The following CDC42SE2 variants were observed in gnomAD, a reference collection of about 807,000 sequenced individuals.
CDC42SE2 encodes the protein CDC42 small effector protein 2.
Under a neutral mutation model 11.5 loss-of-function variants are expected in CDC42SE2, and 3 were observed. The ratio of observed to expected loss-of-function variants is 0.26; its 90% CI spans 0.12 to 0.67. The LOEUF is 0.67. CDC42SE2 is among the 30% of genes least tolerant of loss of function. The pLI, the probability that CDC42SE2 is intolerant of heterozygous loss-of-function variation, is 0.80. For missense variants in CDC42SE2, 82 were observed against 106.8 expected (o/e 0.77, Z 1.02); for synonymous variants, 33 against 34.8 (o/e 0.95, Z 0.18).
the CDC42SE2 span, among the ~76,000 whole-genome samples, chr5:131,235,204 T>C: frequency 6.6e-6 from 1 of 151,892 alleles, no homozygotes; most frequent in African/African-American, 2.4e-5. Flanking sequence ...GGGCAAATAG[T>C]CTTCACTCAG....
intron 3 of CDC42SE2, among the ~76,000 whole-genome samples, chr5:131,376,063 A>AC (rs1392567721): frequency 6.6e-6 from 1 of 151,814 alleles, no homozygotes; most frequent in African/African-American, 2.4e-5. Flanking sequence ...ACATGGTGAA[A>AC]CCCATCTTTA....
chr5:131,359,921 CCATCT>C (rs1271156420), intron 3 of CDC42SE2, among the ~76,000 whole-genome samples: 1 of 152,092 alleles, frequency 6.6e-6, no homozygotes, highest in Non-Finnish European at 1.5e-5. Context: ...TCTCAGCTTA[CCATCT>C]CATTTTCCTC....
intron 1 of CDC42SE2, among the ~76,000 whole-genome samples, chr5:131,312,625 C>T (rs111759131): frequency 0.012 from 1,817 of 152,314 alleles, 14 homozygotes; most frequent in Non-Finnish European, 0.018. Context: ...GAGCCAGGCG[C>T]GGGATATAAT....
chr5:131,331,679 C>T (rs888339959), intron 2 of CDC42SE2, among the ~76,000 whole-genome samples: 1 of 151,950 alleles, frequency 6.6e-6, no homozygotes, highest in Non-Finnish European at 1.5e-5. Context: ...ACAAAAAGAA[C>T]AGAGAATCCA....
intron 2 of CDC42SE2, among the ~76,000 whole-genome samples, chr5:131,349,522 T>C (rs1758947894): frequency 6.6e-6 from 1 of 152,182 alleles, no homozygotes; most frequent in Admixed American, 6.5e-5. Context: ...CAGCATGCTG[T>C]TAGTACTTAA....
intron 2 of CDC42SE2, among the ~76,000 whole-genome samples, chr5:131,335,973 A>C (rs973988999): frequency 2.0e-5 from 3 of 152,102 alleles, no homozygotes; most frequent in African/African-American, 7.2e-5. Flanking sequence ...TTTACATTTA[A>C]GGTTAGTATT....
At chr5:131,250,645 C>A (rs1399263543) in intron 1 of CDC42SE2, among the ~76,000 whole-genome samples, 1 of 152,038 alleles carries the variant, frequency 6.6e-6, no homozygotes, top group East Asian at 1.9e-4. Context: ...GCTGTGAAAC[C>A]ATTCTGGATG....
At chr5:131,211,097 A>T in the CDC42SE2 span, among the ~76,000 whole-genome samples, 1 of 152,216 alleles carries the variant, frequency 6.6e-6, no homozygotes, top group African/African-American at 2.4e-5. Context: ...TCGGCCTCCC[A>T]AAGTGCTGGG....
intron 2 of CDC42SE2, among the ~76,000 whole-genome samples, chr5:131,348,013 C>A (rs1218731511): frequency 6.6e-6 from 1 of 152,138 alleles, no homozygotes; most frequent in East Asian, 1.9e-4. Context: ...TAAGAGTTAT[C>A]TATGACACAC....
At chr5:131,308,122 T>C (rs1464669059) in intron 1 of CDC42SE2, among the ~76,000 whole-genome samples, 1 of 152,168 alleles carries the variant, frequency 6.6e-6, no homozygotes, top group African/African-American at 2.4e-5. Context: ...GATTTTTGTA[T>C]AAGGTGTAAG....
chr5:131,329,228 C>A (rs1003971996), intron 2 of CDC42SE2, among the ~76,000 whole-genome samples: 3 of 152,200 alleles, frequency 2.0e-5, no homozygotes, highest in Non-Finnish European at 2.9e-5. Flanking sequence ...TTTAGCATAT[C>A]TCTCTTTTAA....
intron 3 of CDC42SE2, among the ~76,000 whole-genome samples, chr5:131,363,870 A>G (rs893163311): frequency 4.0e-5 from 6 of 150,134 alleles, no homozygotes; most frequent in Admixed American, 3.3e-4. Flanking sequence ...TAATTTTTAT[A>G]TTTTAGTAGA....
intron 4 of CDC42SE2, among the ~76,000 whole-genome samples, chr5:131,386,404 T>C (rs1750487927): frequency 6.6e-6 from 1 of 152,248 alleles, no homozygotes; most frequent in Non-Finnish European, 1.5e-5. Flanking sequence ...CCTGGTAATA[T>C]TAGAATGTTG....
chr5:131,389,783 T>C (rs951228802), intron 4 of CDC42SE2, among the ~76,000 whole-genome samples: 5 of 152,132 alleles, frequency 3.3e-5, no homozygotes, highest in African/African-American at 1.2e-4. Context: ...GCAGGGCCCT[T>C]TGAGCTGATT....
intron 2 of CDC42SE2, among the ~76,000 whole-genome samples, chr5:131,329,833 T>G (rs1018511165): frequency 1.6e-5 from 2 of 128,564 alleles, no homozygotes; most frequent in East Asian, 4.7e-4. Context: ...GAGCTGAGAT[T>G]GTGCCATTGC....
chr5:131,290,992 A>G (rs1258976869), intron 1 of CDC42SE2, among the ~76,000 whole-genome samples: 1 of 152,220 alleles, frequency 6.6e-6, no homozygotes, highest in African/African-American at 2.4e-5. Flanking sequence ...ATACTAGGAG[A>G]AAACATCGGT....
intron 1 of CDC42SE2, among the ~76,000 whole-genome samples, chr5:131,286,974 A>C (rs912126018): frequency 2.6e-5 from 4 of 151,854 alleles, no homozygotes; most frequent in Admixed American, 2.6e-4. Context: ...TCATGGGTCA[A>C]CTGTATTTTA....
intron 1 of CDC42SE2, among the ~76,000 whole-genome samples, chr5:131,295,560 T>C (rs1007196894): frequency 6.6e-6 from 1 of 152,134 alleles, no homozygotes; most frequent in Non-Finnish European, 1.5e-5. Flanking sequence ...CATACATAAG[T>C]ATATATAGTA....
intron 1 of CDC42SE2, among the ~76,000 whole-genome samples, chr5:131,250,319 C>A (rs775697136): frequency 2.6e-5 from 4 of 152,100 alleles, no homozygotes; most frequent in Non-Finnish European, 4.4e-5. Flanking sequence ...TTTACAGAGA[C>A]AGCAACAATG....
Sources: allele counts gnomAD v4.1 joint callset (sites outside exome capture counted in the v4.1 genomes callset), GRCh38; gene constraint gnomAD v4.1.1; transcripts MANE v1.5; gene names NCBI Gene and HGNC (gene_info 2026-07-23, HGNC 2026-07-21).